Variants in ANKS1B observed in about 807,000 individuals in gnomAD.
The protein encoded by ANKS1B is ankyrin repeat and sterile alpha motif domain containing 1B.
A neutral mutation model predicts 148.3 loss-of-function variants in ANKS1B; 36 were observed. The observed-to-expected ratio is 0.24, with a 90% CI of 0.19 to 0.32. The LOEUF (loss-of-function observed/expected upper bound fraction) is 0.32. Among genes scored for constraint, ANKS1B ranks in the 10% least tolerant of loss-of-function variants. The pLI is 1.00. For synonymous variants in ANKS1B, 542 were observed against 560.8 expected, an observed-to-expected ratio of 0.97 and a Z score of 0.47; for missense variants, 1,157 against 1,542.6, an observed-to-expected ratio of 0.75 and a Z score of 4.19.
In ANKS1B at chr12:99,944,997, T is replaced by C. The variant is rs1432398584; in HGVS notation, c.134+39107A>G. Among the ~76,000 whole-genome samples, 4 of 152,064 alleles carry C rather than the reference T, an allele frequency of 2.6e-5. No individual in the cohort carries two copies. In the East Asian group the frequency reaches 5.8e-4, roughly 22 times the overall value. ...AGCCAGCATCAACTTAGCAGCTAAT[T>C]TTACTAAGCAAATATGTGCCAACCA... On this transcript the variant is annotated intron_variant, in intron 1 of 26. Coordinates refer to ENST00000683438, the MANE Select transcript of ANKS1B (RefSeq NM_001352186.2).
chr12:98,777,779 A>T (rs1040104497), intron 24 of ANKS1B, among the ~76,000 whole-genome samples: 2 of 152,234 alleles, frequency 1.3e-5, no homozygotes, highest in African/African-American at 2.4e-5. Flanking sequence ...TTTCCCATGA[A>T]TTCAGCCAAA....
At chr12:99,282,271 A>G (rs2078565504) in intron 12 of ANKS1B, among the ~76,000 whole-genome samples, 3 of 152,194 alleles carry the variant, frequency 2.0e-5, no homozygotes, top group Admixed American at 2.0e-4. Flanking sequence ...ATGCATGACT[A>G]TGCTTGGTAT....
intron 8 of ANKS1B, among the ~76,000 whole-genome samples, chr12:99,659,232 T>G (rs543393407): frequency 9.9e-5 from 15 of 152,124 alleles, no homozygotes; most frequent in Non-Finnish European, 2.2e-4. Context: ...GTTAAAGATT[T>G]GAAGGAAAAT....
chr12:99,279,647 T>C lies in ANKS1B; in HGVS notation c.1757-32783A>G, dbSNP rs2078135414. On this transcript the variant is annotated intron_variant, in intron 12 of 26. Coordinates refer to ENST00000683438, the MANE Select transcript of ANKS1B (RefSeq NM_001352186.2). ...CCTTGTAAAGTGCAGTTGAATATTA[T>C]CAAACATGTTCTCAAAATGAACAAA... 2.0e-5 allele frequency among the ~76,000 whole-genome samples: 3 copies of C among 152,184 alleles called. 1 individual carries two copies. Among genetic ancestry groups the C allele is most frequent in the Non-Finnish European group, 1.5e-5 (1 of 68,040 alleles).
intron 9 of ANKS1B, among the ~76,000 whole-genome samples, chr12:99,593,760 G>A (rs1172042806): frequency 6.6e-6 from 1 of 152,030 alleles, no homozygotes; most frequent in African/African-American, 2.4e-5. Context: ...ATATCAGTAG[G>A]ATTAGGTTGT....
intron 8 of ANKS1B, among the ~76,000 whole-genome samples, chr12:99,744,024 T>A (rs1488678590): frequency 6.6e-6 from 1 of 152,118 alleles, no homozygotes; most frequent in Non-Finnish European, 1.5e-5. Context: ...TATCCATGGG[T>A]TCCACGTCTG....
intron 17 of ANKS1B, among the ~76,000 whole-genome samples, chr12:99,020,413 A>G (rs1305907867): frequency 6.6e-6 from 1 of 152,030 alleles, no homozygotes; most frequent in Non-Finnish European, 1.5e-5. Context: ...TATTAATTTT[A>G]TCTAGTCAGA....
At chr12:99,604,143 T>C (rs2097830197) in intron 9 of ANKS1B, among the ~76,000 whole-genome samples, 1 of 152,086 alleles carries the variant, frequency 6.6e-6, no homozygotes, top group Admixed American at 6.6e-5. Context: ...TAAGAGTTCA[T>C]TATAACCAGC....
intron 9 of ANKS1B, among the ~76,000 whole-genome samples, chr12:99,536,110 G>T (rs1340733932): frequency 6.6e-6 from 1 of 152,130 alleles, no homozygotes; most frequent in East Asian, 1.9e-4. Flanking sequence ...GTCTTTATTT[G>T]ACCTGATACA....
intron 12 of ANKS1B, among the ~76,000 whole-genome samples, chr12:99,357,830 T>C (rs2092145555): frequency 1.3e-5 from 2 of 152,106 alleles, no homozygotes; most frequent in African/African-American, 4.8e-5. Flanking sequence ...TATCAACTCA[T>C]ATTGTAACTA....
intron 14 of ANKS1B, among the ~76,000 whole-genome samples, chr12:99,227,747 A>G (rs1214806926): frequency 6.6e-6 from 1 of 152,346 alleles, no homozygotes; most frequent in African/African-American, 2.4e-5. Flanking sequence ...TACCATTTGT[A>G]TCACTAATGA....
At chr12:99,339,727 T>C (rs1021346899) in intron 12 of ANKS1B, among the ~76,000 whole-genome samples, 1 of 152,196 alleles carries the variant, frequency 6.6e-6, no homozygotes, top group Non-Finnish European at 1.5e-5. Flanking sequence ...TCCTTATGTA[T>C]TTTTGAATTC....
At chr12:99,552,781 T>G (rs764695781) in intron 9 of ANKS1B, among the ~76,000 whole-genome samples, 45 of 152,334 alleles carry the variant, frequency 3.0e-4, no homozygotes, top group Non-Finnish European at 5.4e-4. Context: ...GGTGTTGTAT[T>G]TACATATAAC....
intron 9 of ANKS1B, among the ~76,000 whole-genome samples, chr12:99,533,847 T>C (rs2097030330): frequency 6.6e-6 from 1 of 152,110 alleles, no homozygotes. Flanking sequence ...TATTGAATTA[T>C]TTATGTTAAA....
intron 9 of ANKS1B, among the ~76,000 whole-genome samples, chr12:99,640,932 C>A (rs1221535845): frequency 6.6e-6 from 1 of 152,082 alleles, no homozygotes; most frequent in East Asian, 1.9e-4. Flanking sequence ...AAAATTAGAT[C>A]TGCTTGTCAT....
chr12:99,062,683 T>G (rs2042833503), intron 16 of ANKS1B, among the ~76,000 whole-genome samples: 1 of 151,740 alleles, frequency 6.6e-6, no homozygotes, highest in Non-Finnish European at 1.5e-5. Flanking sequence ...GTTGGGGAGT[T>G]TGTATGGGAA....
intron 8 of ANKS1B, among the ~76,000 whole-genome samples, chr12:99,758,126 C>T (rs1204890892): frequency 2.0e-5 from 3 of 151,770 alleles, no homozygotes; most frequent in Non-Finnish European, 2.9e-5. Context: ...GATTTTTGAC[C>T]GTGAAGTCAT....
intron 22 of ANKS1B, among the ~76,000 whole-genome samples, chr12:98,795,818 G>T (rs1490856380): frequency 1.3e-5 from 2 of 152,180 alleles, no homozygotes; most frequent in African/African-American, 4.8e-5. Flanking sequence ...GCCACCTGCT[G>T]TCTGTGTGAC....
intron 10 of ANKS1B, among the ~76,000 whole-genome samples, chr12:99,459,165 T>C (rs995690537): frequency 2.6e-5 from 4 of 152,116 alleles, no homozygotes; most frequent in Non-Finnish European, 4.4e-5. Context: ...AAAAATTACA[T>C]GATCATCTGA....
Sources: allele counts gnomAD v4.1 joint callset (sites outside exome capture counted in the v4.1 genomes callset), GRCh38; gene constraint gnomAD v4.1.1; transcripts MANE v1.5; gene names NCBI Gene and HGNC (gene_info 2026-07-23, HGNC 2026-07-21).